The following MEOX2 variants were observed in gnomAD, a reference collection of about 807,000 sequenced individuals.
The protein encoded by MEOX2 is homeobox protein MOX-2.
A neutral mutation model predicts 27.0 loss-of-function variants in MEOX2; 11 were observed. That is an observed-to-expected ratio of 0.41 (90% confidence interval 0.26 to 0.68). The LOEUF (loss-of-function observed/expected upper bound fraction) is 0.68. Ranked by LOEUF, MEOX2 falls within the 30% of genes least tolerant of loss-of-function variation. The pLI, the probability that MEOX2 is intolerant of heterozygous loss-of-function variation, is 0.33. For missense variants in MEOX2, 436 were observed against 385.4 expected (o/e 1.13, Z -1.10); for synonymous variants, 189 against 155.4 (o/e 1.22, Z -1.61).
chr7:15,631,944 AG>A (rs1781411349), intron 1 of MEOX2, among the ~76,000 whole-genome samples: 1 of 30,548 alleles, frequency 3.3e-5, no homozygotes, highest in African/African-American at 1.3e-4. Flanking sequence ...AGAGAAAGAG[AG>A]AGAGAGAGGA....
At chr7:15,670,633 T>A (rs73679878) in intron 1 of MEOX2, among the ~76,000 whole-genome samples, 3,064 of 152,332 alleles carry the variant, frequency 0.02, 117 homozygotes, top group African/African-American at 0.07. Flanking sequence ...GAATTTTTAA[T>A]TTTATTTAGT....
chr7:15,663,641 T>C (rs915854585), intron 1 of MEOX2, among the ~76,000 whole-genome samples: 1 of 152,088 alleles, frequency 6.6e-6, no homozygotes, highest in African/African-American at 2.4e-5. Context: ...GCCCAGCCAA[T>C]AATCTTTAAT....
At chr7:15,679,482 A>G (rs949160079) in intron 1 of MEOX2, 1 of 152,132 alleles carries the variant, frequency 6.6e-6, no homozygotes, top group African/African-American at 2.4e-5. Context: ...AGAATACTTA[A>G]ATACATTTGA....
chr7:15,653,352 G>C (rs1264040644), intron 1 of MEOX2, among the ~76,000 whole-genome samples: 3 of 151,838 alleles, frequency 2.0e-5, no homozygotes, highest in Non-Finnish European at 4.4e-5. Context: ...TGAGACTTGA[G>C]AGTTCTTTAT....
chr7:15,654,209 C>T (rs897419902), intron 1 of MEOX2, among the ~76,000 whole-genome samples: 7 of 151,818 alleles, frequency 4.6e-5, no homozygotes, highest in African/African-American at 1.7e-4. Context: ...GTGTTAATTG[C>T]CAGTTAACAG....
At chr7:15,667,298 A>AAAAAAAAAAAAAAAAAAAAAAAAAG (rs1782024434) in intron 1 of MEOX2, among the ~76,000 whole-genome samples, 1 of 145,154 alleles carries the variant, frequency 6.9e-6, no homozygotes. Flanking sequence ...TCAAAAAAAA[A>AAAAAAAAAAAAAAAAAAAAAAAAAG]AAAAAAAAAA....
At chr7:15,656,944 G>T (rs940545244) in intron 1 of MEOX2, among the ~76,000 whole-genome samples, 1 of 151,942 alleles carries the variant, frequency 6.6e-6, no homozygotes, top group Non-Finnish European at 1.5e-5. Flanking sequence ...TCATTCCTGA[G>T]AATATTTTTT....
chr7:15,627,124 T>C (rs7800593), intron 1 of MEOX2, among the ~76,000 whole-genome samples: 101,199 of 151,084 alleles, frequency 0.67, 34,107 homozygotes, highest in East Asian at 0.81. Context: ...TAACTCACAG[T>C]CCATTTGGGA....
At chr7:15,667,784 A>T (rs2115388521) in intron 1 of MEOX2, among the ~76,000 whole-genome samples, 1 of 152,296 alleles carries the variant, frequency 6.6e-6, no homozygotes, top group East Asian at 1.9e-4. Context: ...AGAGATGTAA[A>T]AGGAGAAAGT....
chr7:15,655,832 A>C (rs926756700), intron 1 of MEOX2, among the ~76,000 whole-genome samples: 1 of 151,730 alleles, frequency 6.6e-6, no homozygotes, highest in African/African-American at 2.4e-5. Flanking sequence ...CTGCTGTTTC[A>C]GGATAGAATA....
intron 2 of MEOX2, among the ~76,000 whole-genome samples, chr7:15,623,385 T>TA (rs1405598236): frequency 9.2e-5 from 14 of 151,966 alleles, no homozygotes; most frequent in South Asian, 6.2e-4. Flanking sequence ...TGATTTTTTT[T>TA]TATATACAGA....
At chr7:15,628,204 T>A (rs2115361424) in intron 1 of MEOX2, among the ~76,000 whole-genome samples, 1 of 152,234 alleles carries the variant, frequency 6.6e-6, no homozygotes, top group African/African-American at 2.4e-5. Flanking sequence ...AAAAATGAAT[T>A]TTTTAGTGTT....
rs145477723 is a variant in MEOX2 at position 15,673,522 on chromosome 7, C to G, written c.517+12364G>C. 3.0e-3 allele frequency among the ~76,000 whole-genome samples: 418 copies of G among 141,382 alleles called. 2 individuals carry two copies. The highest frequency in any genetic ancestry group is 0.011 in the African/African-American group (401 of 38,064). 92.8% of individuals were successfully genotyped at this position (141,382 alleles called of 152,430 possible). ...GCTCCTTCTGTATTACTTCTTACAA[C>G]TGAAGGTGAATTTACAATTACCTCA... On this transcript the variant is annotated intron_variant, in intron 1 of 2. Coordinates refer to ENST00000262041, the MANE Select transcript of MEOX2 (RefSeq NM_005924.5).
chr7:15,685,917 T>G lies in MEOX2; in HGVS notation c.486A>C (p.Arg162=). The G allele has an allele frequency of 6.2e-7, 1 of 1,608,582 alleles. No homozygotes were observed. Among genetic ancestry groups the G allele is most frequent in the East Asian group, 2.2e-5 (1 of 44,774 alleles). ...TGTCGCTTTTCCTCTTGCCGCCGCT[T>G]CGCTTCTCCGCCTCCGCAGGTGACA... ...QALSPAEAEK[R]SGGKRKSDSS... The change falls in exon 1 of 3, where the codon CGA becomes CGC. Residue 162 remains arginine (R), a synonymous_variant. Coordinates refer to ENST00000262041, the MANE Select transcript of MEOX2 (RefSeq NM_005924.5).
At chr7:15,621,595 C>G (rs1205494796) in intron 2 of MEOX2, among the ~76,000 whole-genome samples, 1 of 152,042 alleles carries the variant, frequency 6.6e-6, no homozygotes, top group Non-Finnish European at 1.5e-5. Flanking sequence ...TAAAAGGAAA[C>G]CTAATTATTA....
At chr7:15,685,848 C>T in intron 1 of MEOX2, 38 bp downstream of exon 1, 1 of 1,544,372 alleles carries the variant, frequency 6.5e-7, no homozygotes, top group Non-Finnish European at 8.7e-7. Flanking sequence ...CTTTTCCAGC[C>T]CGGCGCGCAC....
At chr7:15,683,221 A>G (rs1245983969) in intron 1 of MEOX2, among the ~76,000 whole-genome samples, 2 of 152,052 alleles carry the variant, frequency 1.3e-5, no homozygotes, top group Non-Finnish European at 2.9e-5. Context: ...GGTAATTAGA[A>G]TTAGCACATA....
At chr7:15,620,121 C>T (rs10262513) in intron 2 of MEOX2, among the ~76,000 whole-genome samples, 102,129 of 151,804 alleles carry the variant, frequency 0.67, 34,592 homozygotes, top group East Asian at 0.81. Context: ...TCTCATATCC[C>T]ATCGTCAACT....
At chr7:15,612,950 G>C (rs1020005497) in intron 2 of MEOX2, among the ~76,000 whole-genome samples, 1 of 152,132 alleles carries the variant, frequency 6.6e-6, no homozygotes, top group Non-Finnish European at 1.5e-5. Context: ...CATAATATTT[G>C]TGTTGGTCAA....
Sources: gnomAD v4.1 joint callset for allele counts (sites outside exome capture counted in the v4.1 genomes callset) on GRCh38, gnomAD v4.1.1 for gene constraint, MANE v1.5 for transcripts, NCBI Gene and HGNC (gene_info 2026-07-23, HGNC 2026-07-21) for gene names.